The following CD82 variants were observed in gnomAD, a reference collection of about 807,000 sequenced individuals.
The protein encoded by CD82 is CD82 molecule.
CD82 carries 36 observed loss-of-function variants against 37.4 expected under a neutral mutation model. The observed-to-expected ratio is 0.96, with a 90% CI of 0.74 to 1.27. The LOEUF (loss-of-function observed/expected upper bound fraction) is 1.27, where lower values mean the gene tolerates loss of function less well. CD82 is among the 50% of genes most tolerant of loss of function. The pLI is 0.00. For synonymous variants in CD82, 158 were observed against 137.4 expected, an observed-to-expected ratio of 1.15 and a Z score of -1.05; for missense variants, 340 against 347.0, an observed-to-expected ratio of 0.98 and a Z score of 0.16.
In CD82 at chr11:44,613,812, C is replaced by T. The variant is rs531598194; in HGVS notation, c.337-1460C>T. 2.1e-3 allele frequency among the ~76,000 whole-genome samples: 311 copies of T among 149,994 alleles called. 1 individual carries two copies. Among genetic ancestry groups the T allele is most frequent in the African/African-American group, 7.1e-3 (292 of 40,990 alleles). On this transcript the variant is annotated intron_variant, in intron 6 of 9. Coordinates refer to ENST00000227155, the MANE Select transcript of CD82 (RefSeq NM_002231.4). ...CCCTCTAGCCTGGGTGACAGGGAGA[C>T]CCTGTCTCAAAAAAACAAAACAAAG...
chr11:44,612,859 G>A (rs368085287), intron 6 of CD82, among the ~76,000 whole-genome samples: 3 of 151,850 alleles, frequency 2.0e-5, no homozygotes, highest in East Asian at 3.9e-4. Flanking sequence ...GGATGGTCTC[G>A]ATCTCCTGAG....
chr11:44,572,965 G>A (rs1342412277), intron 1 of CD82: 1 of 152,320 alleles, frequency 6.6e-6, no homozygotes, highest in African/African-American at 2.4e-5. Flanking sequence ...GCAGGACCAG[G>A]TAGCAGGAGC....
intron 6 of CD82, 51 bp from the exon 7 acceptor site, chr11:44,615,221 G>T (rs1565095605): frequency 1.6e-6 from 2 of 1,228,256 alleles, no homozygotes; most frequent in Admixed American, 1.7e-5. Context: ...GACCACAGGT[G>T]GGCACGGGTT....
rs1275849787 is a variant in CD82 at position 44,617,047 on chromosome 11, C to T, written c.439-1115C>T. Among the ~76,000 whole-genome samples, 5 of 152,108 alleles carry T rather than the reference C, an allele frequency of 3.3e-5. No homozygotes were observed. In the East Asian group the frequency reaches 9.7e-4, roughly 29 times the overall value. The stretch of plus-strand genomic sequence containing the variant: ...AGCATTTCTGAGTGTGCCTGGCACG[C>T]CCCCTGCTGGCCACTGGCTACTGGT... On this transcript the variant is annotated intron_variant, in intron 7 of 9. Coordinates refer to ENST00000227155, the MANE Select transcript of CD82 (RefSeq NM_002231.4).
At chr11:44,573,132 G>A (rs1202697012) in intron 1 of CD82, 1 of 152,258 alleles carries the variant, frequency 6.6e-6, no homozygotes, top group Non-Finnish European at 1.5e-5. Context: ...CGCAGAGCGA[G>A]GCCTGAGGTG....
In CD82 at chr11:44,607,525, C is replaced by G. The variant is rs77483812; in HGVS notation, c.336+2096C>G. Reference sequence around the variant, plus strand: ...TGAGCCGGTTTCTATGACTCAGAAGCTGGTCGCCTCTGCAGGGATCTTGGG... The same window carrying G: ...TGAGCCGGTTTCTATGACTCAGAAGGTGGTCGCCTCTGCAGGGATCTTGGG... On this transcript the variant is annotated intron_variant, in intron 6 of 9. Transcript: ENST00000227155. 7.1e-3 allele frequency among the ~76,000 whole-genome samples: 1,087 copies of G among 152,344 alleles called. 4 individuals are homozygous for G. The highest frequency in any genetic ancestry group is 0.036 in the East Asian group (187 of 5,190).
upstream of CD82, among the ~76,000 whole-genome samples, chr11:44,564,840 T>C (rs1190047702): frequency 6.6e-6 from 1 of 152,186 alleles, no homozygotes; most frequent in African/African-American, 2.4e-5. Context: ...CCCGCCTCCA[T>C]GAGATTCAGA....
intron 2 of CD82, among the ~76,000 whole-genome samples, chr11:44,588,640 G>T (rs1853096224): frequency 6.6e-6 from 1 of 152,182 alleles, no homozygotes; most frequent in Admixed American, 6.5e-5. Flanking sequence ...CAAATCCAAG[G>T]CAGCCTGATG....
intron 2 of CD82, among the ~76,000 whole-genome samples, chr11:44,591,400 A>T (rs1411931333): frequency 1.3e-5 from 2 of 152,194 alleles, no homozygotes; most frequent in Non-Finnish European, 2.9e-5. Context: ...AAGCTTGCCC[A>T]GGGTCTGGAA....
At chr11:44,594,864 C>A in intron 3 of CD82, 139 bp downstream of exon 3, 1 of 693,872 alleles carries the variant, frequency 1.4e-6, no homozygotes, top group East Asian at 2.6e-5. Context: ...GAACTATCTC[C>A]AACGGAACCT....
chr11:44,619,472 G>A lies in CD82; in HGVS notation c.*346G>A. 4.7e-6 allele frequency: 1 copy of A among 211,908 alleles called. No individual in the cohort carries two copies. Among genetic ancestry groups the A allele is most frequent in the Non-Finnish European group, 9.5e-6 (1 of 105,120 alleles). 13.1% of individuals were successfully genotyped at this position (211,908 alleles called of 1,614,324 possible). ...TAGGGGCAACTGTATGAAAAATTGG[G>A]GAGGAGGGGGCCGGGCGCGGTGGCT... On this transcript the variant is annotated 3_prime_UTR_variant, in exon 10 of 10. Transcript: ENST00000227155.
upstream of CD82, among the ~76,000 whole-genome samples, chr11:44,565,298 G>T (rs761433134): frequency 5.9e-5 from 9 of 152,228 alleles, no homozygotes; most frequent in Non-Finnish European, 1.3e-4. Context: ...GGAGGGCCCG[G>T]GAGGAGACCG....
At chr11:44,575,839 C>T (rs948653832) in intron 1 of CD82, among the ~76,000 whole-genome samples, 4 of 152,188 alleles carry the variant, frequency 2.6e-5, no homozygotes, top group South Asian at 2.1e-4. Context: ...TCAGCATCCC[C>T]GTTTTACGGA....
At chr11:44,574,173 G>C (rs552328780) in intron 1 of CD82, among the ~76,000 whole-genome samples, 4 of 152,206 alleles carry the variant, frequency 2.6e-5, no homozygotes, top group African/African-American at 9.6e-5. Flanking sequence ...GGTGCTCTTG[G>C]CATAGAGTTG....
intron 3 of CD82, among the ~76,000 whole-genome samples, chr11:44,598,741 A>G (rs1853265516): frequency 6.6e-6 from 1 of 152,064 alleles, no homozygotes; most frequent in Non-Finnish European, 1.5e-5. Context: ...GGTCTTTGAT[A>G]ATGATAGAAT....
chr11:44,590,309 T>G (rs1853121998), intron 2 of CD82, among the ~76,000 whole-genome samples: 1 of 151,882 alleles, frequency 6.6e-6, no homozygotes, highest in African/African-American at 2.4e-5. Flanking sequence ...TTTTAACTAT[T>G]TAAAAATATG....
intron 2 of CD82, among the ~76,000 whole-genome samples, chr11:44,588,209 G>GGT (rs1554966289): frequency 4.9e-4 from 71 of 146,132 alleles, no homozygotes; most frequent in South Asian, 1.8e-3. Flanking sequence ...GGATTTTGGG[G>GGT]TTTTTTTTTT....
intron 1 of CD82, among the ~76,000 whole-genome samples, chr11:44,576,458 G>C (rs888575461): frequency 1.3e-5 from 2 of 152,220 alleles, no homozygotes; most frequent in African/African-American, 4.8e-5. Context: ...CAAGGCTGGG[G>C]TCTGGTCTGG....
intron 1 of CD82, among the ~76,000 whole-genome samples, chr11:44,577,482 A>G (rs984016321): frequency 6.6e-6 from 1 of 151,778 alleles, no homozygotes; most frequent in Non-Finnish European, 1.5e-5. Flanking sequence ...TTAACTCCCC[A>G]GTGAGGCATG....
Sources: allele counts gnomAD v4.1 joint callset (sites outside exome capture counted in the v4.1 genomes callset), GRCh38; gene constraint gnomAD v4.1.1; transcripts MANE v1.5; gene names NCBI Gene and HGNC (gene_info 2026-07-23, HGNC 2026-07-21).